The following FAF1 variants were observed in gnomAD, a reference collection of about 807,000 sequenced individuals.
FAF1 encodes FAS-associated factor 1.
Under a neutral mutation model 92.5 loss-of-function variants are expected in FAF1, and 25 were observed. The ratio of observed to expected loss-of-function variants is 0.27; its 90% CI spans 0.20 to 0.38. The LOEUF (loss-of-function observed/expected upper bound fraction) is 0.38, where lower values mean the gene tolerates loss of function less well. Among genes scored for constraint, FAF1 ranks in the 10% least tolerant of loss-of-function variants. The pLI is 1.00. For missense variants in FAF1, 636 were observed against 793.3 expected, an observed-to-expected ratio of 0.80 and a Z score of 2.38; for synonymous variants, 234 against 273.2, an observed-to-expected ratio of 0.86 and a Z score of 1.42.
chr1:50,535,774 T>C (rs1418904578), intron 14 of FAF1, among the ~76,000 whole-genome samples: 1 of 152,204 alleles, frequency 6.6e-6, no homozygotes, highest in Non-Finnish European at 1.5e-5. Flanking sequence ...TATGAAAACA[T>C]ATCTTGTTAA....
chr1:50,567,928 T>G (rs1650246016), intron 12 of FAF1, among the ~76,000 whole-genome samples: 1 of 152,078 alleles, frequency 6.6e-6, no homozygotes, highest in African/African-American at 2.4e-5. Context: ...TTTGCCATAA[T>G]AAAAGTTGCT....
intron 6 of FAF1, among the ~76,000 whole-genome samples, chr1:50,721,663 C>A (rs1466182291): frequency 6.6e-6 from 1 of 152,048 alleles, no homozygotes; most frequent in Non-Finnish European, 1.5e-5. Flanking sequence ...CTCACTCTGT[C>A]ACCCACGCTG....
At chr1:50,460,601 A>ATG (rs761777414) in intron 18 of FAF1, among the ~76,000 whole-genome samples, 1,859 of 149,596 alleles carry the variant, frequency 0.012, 21 homozygotes, top group African/African-American at 0.026. Context: ...ATGTATATAT[A>ATG]TGTGTGTGTG....
intron 17 of FAF1, among the ~76,000 whole-genome samples, chr1:50,475,912 A>G (rs111481759): frequency 1.0e-3 from 158 of 152,314 alleles, no homozygotes; most frequent in African/African-American, 3.6e-3. Flanking sequence ...GACACATATT[A>G]TTAAATATAT....
intron 1 of FAF1, among the ~76,000 whole-genome samples, chr1:50,867,527 G>A (rs1644491741): frequency 6.6e-6 from 1 of 151,858 alleles, no homozygotes; most frequent in African/African-American, 2.4e-5. Context: ...CTAGGGACAT[G>A]AATAGACAAT....
At chr1:50,475,040 C>G (rs1442579881) in intron 18 of FAF1, among the ~76,000 whole-genome samples, 1 of 152,198 alleles carries the variant, frequency 6.6e-6, no homozygotes, top group Non-Finnish European at 1.5e-5. Flanking sequence ...TATCAAATCA[C>G]AAAACACTGT....
rs553911766 is a variant in FAF1, at chr1:50,555,066, A to G, written c.1268+12011T>C. ...CCCCTGTCTCTACAAAAAAAAAATA[A>G]TAATAGCTGGGCATGGCGGCATGAG... On this transcript the variant is annotated intron_variant, in intron 13 of 18. Transcript: ENST00000396153. Among the ~76,000 whole-genome samples the G allele has an allele frequency of 1.2e-4, 18 of 152,220 alleles. No individual in the cohort carries two copies. In the South Asian group the frequency reaches 3.5e-3, roughly 30 times the overall value.
At chr1:50,470,928 A>C (rs1234858940) in intron 18 of FAF1, 1 of 152,240 alleles carries the variant, frequency 6.6e-6, no homozygotes, top group Non-Finnish European at 1.5e-5. Flanking sequence ...CCGTTATCAC[A>C]GCCTGCTGAA....
chr1:50,914,867 T>C (rs1644909056), intron 1 of FAF1, among the ~76,000 whole-genome samples: 1 of 152,188 alleles, frequency 6.6e-6, no homozygotes, highest in Admixed American at 6.5e-5. Flanking sequence ...CATCCACCTT[T>C]TTCATATCCT....
At chr1:50,534,796 C>T (rs1369694202) in intron 15 of FAF1, among the ~76,000 whole-genome samples, 6 of 152,022 alleles carry the variant, frequency 3.9e-5, no homozygotes, top group Admixed American at 6.6e-5. Context: ...CTATTGTCAT[C>T]GATAATGTTT....
chr1:50,488,320 T>C (rs1394176500), intron 17 of FAF1, among the ~76,000 whole-genome samples: 1 of 152,212 alleles, frequency 6.6e-6, no homozygotes, highest in Admixed American at 6.5e-5. Flanking sequence ...TATCTACATT[T>C]GGAAAGAAAG....
intron 3 of FAF1, among the ~76,000 whole-genome samples, chr1:50,795,410 A>C (rs1456787729): frequency 1.3e-5 from 2 of 152,204 alleles, no homozygotes; most frequent in Non-Finnish European, 2.9e-5. Context: ...GTTCTAACTA[A>C]GGAACTTGTT....
At chr1:50,803,019 C>A (rs1029173027) in intron 2 of FAF1, among the ~76,000 whole-genome samples, 1 of 152,142 alleles carries the variant, frequency 6.6e-6, no homozygotes, top group African/African-American at 2.4e-5. Flanking sequence ...TAAAACAAAT[C>A]CATAGATTAA....
chr1:50,618,307 T>G (rs1285606455), intron 8 of FAF1, among the ~76,000 whole-genome samples: 2 of 152,264 alleles, frequency 1.3e-5, no homozygotes, highest in African/African-American at 4.8e-5. Flanking sequence ...TAACACTGCT[T>G]TAGCTGCATC....
chr1:50,886,286 T>C (rs989532403), intron 1 of FAF1, among the ~76,000 whole-genome samples: 1 of 152,188 alleles, frequency 6.6e-6, no homozygotes, highest in Non-Finnish European at 1.5e-5. Flanking sequence ...ATGAAATCCC[T>C]CCGCTTTTCT....
chr1:50,656,460 C>T (rs1364557376), intron 7 of FAF1, among the ~76,000 whole-genome samples: 3 of 151,624 alleles, frequency 2.0e-5, no homozygotes, highest in Non-Finnish European at 2.9e-5. Context: ...AAATTAAATA[C>T]AAAAAATGCA....
intron 6 of FAF1, among the ~76,000 whole-genome samples, chr1:50,734,646 A>C (rs1298035413): frequency 6.6e-6 from 1 of 151,860 alleles, no homozygotes; most frequent in Non-Finnish European, 1.5e-5. Context: ...AGGCAGGAGA[A>C]TGGCGTGAAC....
chr1:50,834,175 C>T (rs1253361673), intron 2 of FAF1, among the ~76,000 whole-genome samples: 5 of 152,200 alleles, frequency 3.3e-5, no homozygotes, highest in Non-Finnish European at 5.9e-5. Context: ...CCATGTAGGA[C>T]GTGCCTGCTT....
At chr1:50,959,381 C>A (rs957741810) in intron 1 of FAF1, among the ~76,000 whole-genome samples, 8 of 152,070 alleles carry the variant, frequency 5.3e-5, no homozygotes, top group African/African-American at 1.9e-4. Flanking sequence ...ACACCACACG[C>A]TCCACGCTCA....
Sources: allele counts gnomAD v4.1 joint callset (sites outside exome capture counted in the v4.1 genomes callset), GRCh38; gene constraint gnomAD v4.1.1; transcripts MANE v1.5; gene names NCBI Gene and HGNC (gene_info 2026-07-23, HGNC 2026-07-21).